The following MND1 variants were observed in gnomAD, a reference collection of about 807,000 sequenced individuals.
MND1 encodes meiotic nuclear division protein 1 homolog.
Under a neutral mutation model 35.1 loss-of-function variants are expected in MND1, and 28 were observed. The observed-to-expected ratio is 0.80, with a 90% CI of 0.59 to 1.09. MND1 has a LOEUF of 1.09. MND1 is among the 50% of genes least tolerant of loss of function. The probability of loss-of-function intolerance (pLI) is 0.00; values close to 1 mark genes in which losing one functional copy is unlikely to be tolerated. For missense variants in MND1, 213 were observed against 239.6 expected (o/e 0.89, Z 0.73); for synonymous variants, 69 against 70.5 (o/e 0.98, Z 0.11).
At chr4:153,357,369 G>A (rs539507748) in intron 3 of MND1, among the ~76,000 whole-genome samples, 34 of 152,216 alleles carry the variant, frequency 2.2e-4, no homozygotes, top group African/African-American at 8.2e-4. Flanking sequence ...CAACACCTAT[G>A]TTGTTCAAGA....
chr4:153,361,456 T>C (rs1357600417), intron 4 of MND1: 5 of 456,276 alleles, frequency 1.1e-5, no homozygotes, highest in Non-Finnish European at 2.2e-5. Context: ...TGTTTTGATG[T>C]TTTATCATGA....
chr4:153,386,997 C>T (rs77820982), intron 4 of MND1, among the ~76,000 whole-genome samples: 2,595 of 152,132 alleles, frequency 0.017, 52 homozygotes, highest in East Asian at 0.076. Flanking sequence ...TCTTTTAAAA[C>T]GAGAATGCTC....
At chr4:153,356,266 A>G (rs977736485) in intron 3 of MND1, among the ~76,000 whole-genome samples, 7 of 152,206 alleles carry the variant, frequency 4.6e-5, no homozygotes, top group Non-Finnish European at 8.8e-5. Context: ...AAAGATATGT[A>G]TAAATTGGGC....
At chr4:153,351,838 A>C (rs930181105) in intron 2 of MND1, among the ~76,000 whole-genome samples, 3 of 152,246 alleles carry the variant, frequency 2.0e-5, no homozygotes, top group Non-Finnish European at 4.4e-5. Context: ...AATGTTAAGT[A>C]GAAAATGTAG....
chr4:153,359,679 G>T (rs189034912), intron 4 of MND1, among the ~76,000 whole-genome samples: 73 of 151,330 alleles, frequency 4.8e-4, no homozygotes, highest in African/African-American at 1.7e-3. Flanking sequence ...AGGATTTGGT[G>T]TTGTCAGTGT....
rs760179677 is a variant in MND1, at chr4:153,355,643, C to A, written c.70-11C>A. ...ACGTGCTTTTCATTTTCTTTAAAAC[C>A]CTTTAAACAGAAAGATGTATTTCAA... On this transcript the variant is annotated splice_polypyrimidine_tract_variant and intron_variant, in intron 2 of 7. Coordinates refer to ENST00000240488, the MANE Select transcript of MND1 (RefSeq NM_032117.4). 19 of 1,549,180 alleles carry A rather than the reference C, an allele frequency of 1.2e-5. No individual in the cohort carries two copies. In the South Asian group the frequency reaches 1.9e-4, roughly 16 times the overall value.
At chr4:153,377,620 C>A (rs537904439) in intron 4 of MND1, among the ~76,000 whole-genome samples, 1 of 152,136 alleles carries the variant, frequency 6.6e-6, no homozygotes, top group East Asian at 1.9e-4. Context: ...AATGATAGTA[C>A]AAAAGAGGGT....
chr4:153,381,595 G>A (rs966991223), intron 4 of MND1: 12 of 124,670 alleles, frequency 9.6e-5, no homozygotes, highest in Non-Finnish European at 1.6e-4. Context: ...AAAGCATATC[G>A]ATATTTCATA....
At chr4:153,348,144 A>G (rs1472455915) in intron 1 of MND1, among the ~76,000 whole-genome samples, 2 of 152,210 alleles carry the variant, frequency 1.3e-5, no homozygotes, top group Admixed American at 6.5e-5. Context: ...TAGAGATAGA[A>G]CAGACAGGAC....
intron 4 of MND1, among the ~76,000 whole-genome samples, chr4:153,376,592 G>A (rs1728517377): frequency 6.6e-6 from 1 of 152,160 alleles, no homozygotes; most frequent in Non-Finnish European, 1.5e-5. Context: ...TGTTTAACCT[G>A]CTATTCCCCT....
At chr4:153,360,834 C>T (rs1304510695) in intron 4 of MND1, among the ~76,000 whole-genome samples, 4 of 151,266 alleles carry the variant, frequency 2.6e-5, no homozygotes, top group African/African-American at 4.9e-5. Flanking sequence ...CATATATATA[C>T]ACATGTATAT....
chr4:153,372,371 T>C (rs1244689810), intron 4 of MND1, among the ~76,000 whole-genome samples: 1 of 152,140 alleles, frequency 6.6e-6, no homozygotes, highest in Non-Finnish European at 1.5e-5. Flanking sequence ...TTAGAGGATA[T>C]CATAGGATTT....
At position 153,347,708 on chromosome 4, in the gene MND1, C is replaced by A. The variant is rs112004494; in HGVS notation, c.4-2356C>A. On this transcript the variant is annotated intron_variant, in intron 1 of 7. Coordinates refer to ENST00000240488, the MANE Select transcript of MND1 (RefSeq NM_032117.4). ...CTGGAGGGAGAGTGCCTAAACTAAG[C>A]CTTGGGAGATGTTTTGGAGTTTTGA... is the stretch of plus-strand genomic sequence containing the variant. Among the ~76,000 whole-genome samples the A allele has an allele frequency of 7.8e-3, 1,190 of 152,096 alleles. 17 individuals carry two copies. The highest frequency in any genetic ancestry group is 0.027 in the African/African-American group (1,111 of 41,472).
chr4:153,367,727 T>G (rs906704095), intron 4 of MND1, among the ~76,000 whole-genome samples: 3 of 152,222 alleles, frequency 2.0e-5, no homozygotes, highest in African/African-American at 7.2e-5. Flanking sequence ...CTAGGTCATA[T>G]GGTAACTCTG....
intron 4 of MND1, among the ~76,000 whole-genome samples, chr4:153,373,815 A>AT (rs150922906): frequency 1.3e-5 from 2 of 152,138 alleles, no homozygotes; most frequent in African/African-American, 4.8e-5. Flanking sequence ...ATAGATAACT[A>AT]TTTTTTTAAC....
At chr4:153,347,366 C>T (rs1773099169) in intron 1 of MND1, among the ~76,000 whole-genome samples, 1 of 152,170 alleles carries the variant, frequency 6.6e-6, no homozygotes, top group Non-Finnish European at 1.5e-5. Context: ...CCAGGCAATA[C>T]ATGATGTCAC....
Position 153,393,602 on chromosome 4 carries a change from C to A in MND1, c.277-660C>A, listed in dbSNP as rs531407483. On this transcript the variant is annotated intron_variant, in intron 4 of 7. Coordinates refer to ENST00000240488, the MANE Select transcript of MND1 (RefSeq NM_032117.4). ...CCGTGTTGCCCAGGCTGGTCTCCAG[C>A]TCCTGGGATCATGCGATCTGCCTGC... Among the ~76,000 whole-genome samples, 3 of 151,958 alleles carry A rather than the reference C, an allele frequency of 2.0e-5. No individual in the cohort carries two copies. In the East Asian group the frequency reaches 5.8e-4, roughly 29 times the overall value.
At chr4:153,345,349 A>G (rs1415077256) in intron 1 of MND1, 5 of 985,376 alleles carry the variant, frequency 5.1e-6, no homozygotes, top group African/African-American at 1.7e-5. Context: ...CTGTGTGCCA[A>G]TTAGTCGATT....
intron 2 of MND1, among the ~76,000 whole-genome samples, chr4:153,351,566 A>T (rs1406346986): frequency 6.6e-6 from 1 of 152,200 alleles, no homozygotes; most frequent in Non-Finnish European, 1.5e-5. Context: ...CGGGATCCAG[A>T]CTGATGTCAA....
Sources: allele counts gnomAD v4.1 joint callset (sites outside exome capture counted in the v4.1 genomes callset), GRCh38; gene constraint gnomAD v4.1.1; transcripts MANE v1.5; gene names NCBI Gene and HGNC (gene_info 2026-07-23, HGNC 2026-07-21).